Variants in VWF observed in about 807,000 individuals in gnomAD.
The protein encoded by VWF is von Willebrand factor.
A neutral mutation model predicts 308.6 loss-of-function variants in VWF; 176 were observed. That is an observed-to-expected ratio of 0.57 (90% CI 0.50 to 0.65). The LOEUF is 0.65. Among genes scored for constraint, VWF ranks in the 30% least tolerant of loss-of-function variants. The probability of loss-of-function intolerance (pLI) is 0.00; values close to 1 mark genes in which losing one functional copy is unlikely to be tolerated. For synonymous variants in VWF, 1,385 were observed against 1,443.4 expected, an observed-to-expected ratio of 0.96 and a Z score of 0.92; for missense variants, 3,146 against 3,648.2, an observed-to-expected ratio of 0.86 and a Z score of 3.55.
intron 4 of VWF, 101 bp from the exon 5 acceptor site, chr12:6,110,683 T>C: frequency 7.1e-7 from 1 of 1,401,368 alleles, no homozygotes; most frequent in South Asian, 1.2e-5. Flanking sequence ...GTTCAGAACA[T>C]GGTGCAAAGT....
At chr12:6,085,622 A>G (rs1171860218) in intron 6 of VWF, among the ~76,000 whole-genome samples, 1 of 151,748 alleles carries the variant, frequency 6.6e-6, no homozygotes, top group Non-Finnish European at 1.5e-5. Context: ...AACTCTCCTC[A>G]AGGGCTTGTC....
At chr12:6,107,919 A>C (rs1945261379) in intron 5 of VWF, among the ~76,000 whole-genome samples, 1 of 151,932 alleles carries the variant, frequency 6.6e-6, no homozygotes, top group Non-Finnish European at 1.5e-5. Flanking sequence ...CGGCCTCCCA[A>C]AGTGCTGGGA....
intron 6 of VWF, among the ~76,000 whole-genome samples, chr12:6,088,937 T>C (rs1262360973): frequency 6.6e-6 from 1 of 152,208 alleles, no homozygotes; most frequent in Non-Finnish European, 1.5e-5. Flanking sequence ...ACAAGTAATA[T>C]GACCTGGCTC....
intron 34 of VWF, among the ~76,000 whole-genome samples, chr12:6,011,262 T>C (rs924015954): frequency 2.6e-5 from 4 of 152,224 alleles, no homozygotes; most frequent in African/African-American, 4.8e-5. Context: ...GAAGCGTCTC[T>C]CTCACTGCTA....
intron 3 of VWF, among the ~76,000 whole-genome samples, chr12:6,116,546 C>T (rs1945368876): frequency 6.6e-6 from 1 of 152,222 alleles, no homozygotes; most frequent in East Asian, 1.9e-4. Context: ...GGGGAAGTGA[C>T]TCAGCAGGCT....
At chr12:6,110,216 T>C (rs1346067195) in intron 5 of VWF, among the ~76,000 whole-genome samples, 158 bp downstream of exon 5, 1 of 152,064 alleles carries the variant, frequency 6.6e-6, no homozygotes, top group Non-Finnish European at 1.5e-5. Flanking sequence ...GGTCTAGGCA[T>C]TGGAATGGAA....
chr12:6,068,817 CTTT>C (rs748547870), intron 10 of VWF, among the ~76,000 whole-genome samples: 118 of 113,300 alleles, frequency 1.0e-3, no homozygotes, highest in African/African-American at 3.0e-3. Context: ...CTTTTTCTTC[CTTT>C]TTTTTTTTTT....
At chr12:5,961,489 A>T (rs989189101) in intron 47 of VWF, among the ~76,000 whole-genome samples, 1 of 152,134 alleles carries the variant, frequency 6.6e-6, no homozygotes, top group Admixed American at 6.5e-5. Flanking sequence ...AAGAAAAACA[A>T]AACAGAATGT....
intron 2 of VWF, chr12:6,122,765 T>C (rs556802922): frequency 1.8e-6 from 1 of 546,872 alleles, no homozygotes; most frequent in African/African-American, 1.9e-5. Flanking sequence ...CAGTCATTTC[T>C]CCTCTCTGAC....
At chr12:5,995,817 T>C (rs909515771) in intron 35 of VWF, among the ~76,000 whole-genome samples, 185 bp downstream of exon 35, 1 of 152,048 alleles carries the variant, frequency 6.6e-6, no homozygotes, top group Non-Finnish European at 1.5e-5. Context: ...CGGAACAACA[T>C]GAAATCACGC....
In VWF at chr12:6,042,999, C is replaced by T. The variant is rs552421000; in HGVS notation, c.2442+1292G>A. On this transcript the variant is annotated intron_variant, in intron 18 of 51. Transcript: ENST00000261405. The stretch of plus-strand genomic sequence containing the variant: ...AAGAGCAATAAGGAAGATTCCCCTG[C>T]CCTCTCCTATTTTTTGTTCCTACCC... 1.6e-4 allele frequency among the ~76,000 whole-genome samples: 25 copies of T among 152,266 alleles called. No individual in the cohort carries two copies. In the South Asian group the frequency reaches 3.3e-3, roughly 20 times the overall value.
chr12:5,954,826 T>C (rs115454143), intron 47 of VWF, among the ~76,000 whole-genome samples: 3 of 152,070 alleles, frequency 2.0e-5, no homozygotes, highest in African/African-American at 7.2e-5. Context: ...TTCTAACGAG[T>C]TGGAGGGGCT....
intron 5 of VWF, among the ~76,000 whole-genome samples, chr12:6,107,745 G>A (rs865844042): frequency 4.6e-5 from 7 of 152,128 alleles, no homozygotes; most frequent in South Asian, 4.2e-4. Context: ...TGCAAGCTCC[G>A]CCTCCAAGGT....
At chr12:6,112,775 G>C (rs1051354539) in intron 3 of VWF, among the ~76,000 whole-genome samples, 9 of 151,920 alleles carry the variant, frequency 5.9e-5, no homozygotes, top group Admixed American at 1.3e-4. Context: ...CCCCAGCAGG[G>C]CTCTGGGCTG....
intron 1 of VWF, among the ~76,000 whole-genome samples, chr12:6,123,976 C>G (rs776515495): frequency 9.2e-5 from 14 of 152,176 alleles, no homozygotes; most frequent in Admixed American, 2.0e-4. Context: ...CTGAGATTCA[C>G]TGGGGGTGAC....
At chr12:6,008,082 T>G (rs1943949830) in intron 34 of VWF, among the ~76,000 whole-genome samples, 1 of 152,160 alleles carries the variant, frequency 6.6e-6, no homozygotes, top group Non-Finnish European at 1.5e-5. Flanking sequence ...GCTCAGATGC[T>G]TTCACTGGAT....
At chr12:6,103,825 C>T (rs1033182954) in intron 5 of VWF, among the ~76,000 whole-genome samples, 1 of 151,892 alleles carries the variant, frequency 6.6e-6, no homozygotes, top group Non-Finnish European at 1.5e-5. Context: ...TAGAAAAAAA[C>T]CTTGGGAAAA....
chr12:6,005,520 A>C (rs1165933048), intron 34 of VWF, among the ~76,000 whole-genome samples: 2 of 152,212 alleles, frequency 1.3e-5, no homozygotes, highest in African/African-American at 4.8e-5. Context: ...CAAGAAGCCC[A>C]AAAGACTCCA....
chr12:6,104,954 G>A (rs1945225048), intron 5 of VWF, among the ~76,000 whole-genome samples: 1 of 152,096 alleles, frequency 6.6e-6, no homozygotes, highest in Non-Finnish European at 1.5e-5. Context: ...CAGCAACATG[G>A]GTGGGATTGG....
Sources: gnomAD v4.1 joint callset for allele counts (sites outside exome capture counted in the v4.1 genomes callset) on GRCh38, gnomAD v4.1.1 for gene constraint, MANE v1.5 for transcripts, NCBI Gene and HGNC (gene_info 2026-07-23, HGNC 2026-07-21) for gene names.